Variants in RIT2 observed in about 807,000 individuals in gnomAD.
RIT2 encodes GTP-binding protein Rit2.
In RIT2, 24 loss-of-function variants were observed where a neutral mutation model predicts 23.7. That is an observed-to-expected ratio of 1.01 (90% CI 0.73 to 1.43). The LOEUF (loss-of-function observed/expected upper bound fraction) is 1.43. Among genes scored for constraint, RIT2 ranks in the 40% most tolerant of loss-of-function variants. RIT2 has a pLI of 0.00. For synonymous variants in RIT2, 107 were observed against 91.1 expected, an observed-to-expected ratio of 1.17 and a Z score of -0.99; for missense variants, 236 against 266.9, an observed-to-expected ratio of 0.88 and a Z score of 0.81.
intron 3 of RIT2, among the ~76,000 whole-genome samples, chr18:42,968,725 TA>T (rs1177316365): frequency 6.6e-6 from 1 of 152,212 alleles, no homozygotes; most frequent in African/African-American, 2.4e-5. Context: ...GGTTAAGCCT[TA>T]TTTCTAGAGT....
intron 4 of RIT2, among the ~76,000 whole-genome samples, chr18:42,823,886 C>T (rs1256278816): frequency 1.3e-5 from 2 of 152,068 alleles, no homozygotes; most frequent in Non-Finnish European, 2.9e-5. Context: ...TATCCTTTTC[C>T]TGTTCAAGCG....
At chr18:42,983,432 A>C (rs967922327) in intron 2 of RIT2, among the ~76,000 whole-genome samples, 4 of 152,090 alleles carry the variant, frequency 2.6e-5, no homozygotes, top group Non-Finnish European at 5.9e-5. Flanking sequence ...GAAAATCTTC[A>C]AAATCAAAGT....
chr18:42,758,974 T>C (rs1913233763), intron 4 of RIT2, among the ~76,000 whole-genome samples: 1 of 152,146 alleles, frequency 6.6e-6, no homozygotes, highest in Admixed American at 6.5e-5. Flanking sequence ...GGACTGGAGC[T>C]ATACAAATGG....
At chr18:42,949,059 A>G in intron 3 of RIT2, 1 of 397,586 alleles carries the variant, frequency 2.5e-6, no homozygotes, top group Non-Finnish European at 4.4e-6. Flanking sequence ...CTGGGGAGAA[A>G]TTAAAATAGA....
chr18:43,114,386 C>T (rs925381616), intron 1 of RIT2, among the ~76,000 whole-genome samples: 1 of 152,124 alleles, frequency 6.6e-6, no homozygotes, highest in Non-Finnish European at 1.5e-5. Flanking sequence ...CCCTTGTGGA[C>T]CCATCCACCA....
intron 3 of RIT2, among the ~76,000 whole-genome samples, chr18:42,932,677 G>A (rs994666280): frequency 1.3e-5 from 2 of 151,806 alleles, no homozygotes; most frequent in South Asian, 2.1e-4. Context: ...TTTTGCAGAT[G>A]AGAAAATCAG....
chr18:42,920,589 A>G (rs1382522472), intron 4 of RIT2: 2 of 695,010 alleles, frequency 2.9e-6, no homozygotes, highest in Admixed American at 4.9e-5. Context: ...TGATAAACAC[A>G]TAATACACTA....
Position 42,787,566 on chromosome 18 carries a change from G to A in RIT2, c.427-43846C>T, listed in dbSNP as rs1355140856. ...AGTTAGCAGGTTCGGAGAAACATGA[G>A]TTAGCAGGTTCGGAGTCAATGCAAT... On this transcript the variant is annotated intron_variant, in intron 4 of 4. Transcript: ENST00000326695. Among the ~76,000 whole-genome samples, 4 of 152,144 alleles carry A rather than the reference G, an allele frequency of 2.6e-5. No individual in the cohort carries two copies. The East Asian group carries it at 7.7e-4, about 29-fold the overall frequency.
chr18:42,755,907 C>T (rs1033791482), intron 4 of RIT2, among the ~76,000 whole-genome samples: 2 of 152,086 alleles, frequency 1.3e-5, no homozygotes, highest in African/African-American at 4.8e-5. Flanking sequence ...TTCTCAGCTT[C>T]CTGAGACAGG....
chr18:42,839,483 T>C (rs1029521943), intron 4 of RIT2, among the ~76,000 whole-genome samples: 5 of 152,188 alleles, frequency 3.3e-5, no homozygotes, highest in Middle Eastern at 3.2e-3. Flanking sequence ...AATATCACAG[T>C]GTGACTTGAG....
chr18:43,032,001 G>T (rs893013812), intron 2 of RIT2, among the ~76,000 whole-genome samples: 5 of 152,154 alleles, frequency 3.3e-5, no homozygotes, highest in South Asian at 4.2e-4. Flanking sequence ...CTGCAAGCAG[G>T]ATACCAATGG....
intron 4 of RIT2, among the ~76,000 whole-genome samples, chr18:42,770,467 T>C (rs1293600748): frequency 3.3e-5 from 5 of 152,218 alleles, no homozygotes; most frequent in Non-Finnish European, 7.3e-5. Context: ...TTCCTTGGCA[T>C]GAGCCTCATT....
chr18:42,803,876 G>A (rs183372638), intron 4 of RIT2, among the ~76,000 whole-genome samples: 5 of 152,274 alleles, frequency 3.3e-5, no homozygotes, highest in Admixed American at 1.3e-4. Flanking sequence ...AGAAACAGAA[G>A]TTGTTATATT....
In RIT2 at chr18:42,923,770, G is replaced by GAAAAA. The variant is rs10633642; in HGVS notation, c.235-12_235-8dup. 4.2e-6 allele frequency: 6 copies of GAAAAA among 1,434,608 alleles called. No individual in the cohort carries two copies. Among genetic ancestry groups the GAAAAA allele is most frequent in the Admixed American group, 4.5e-5 (2 of 44,700 alleles). 88.9% of individuals were successfully genotyped at this position (1,434,608 alleles called of 1,614,324 possible). On this transcript the variant is annotated splice_polypyrimidine_tract_variant and splice_region_variant and intron_variant, in intron 3 of 4. Coordinates refer to ENST00000326695, the MANE Select transcript of RIT2 (RefSeq NM_002930.4). ...GCATGGCTGTGAATTCTGCCTGCAGGAAAAAAAAAAAAAAATTAGTTATGG... is the reference window on the plus strand; with the variant it reads ...GCATGGCTGTGAATTCTGCCTGCAGGAAAAAAAAAAAAAAAAAAAATTAGTTATGG...
chr18:42,938,711 G>T (rs1909521592), intron 3 of RIT2, among the ~76,000 whole-genome samples: 1 of 152,068 alleles, frequency 6.6e-6, no homozygotes. Flanking sequence ...AGAATTATTA[G>T]TAATAAAATT....
intron 4 of RIT2, among the ~76,000 whole-genome samples, chr18:42,909,123 A>G (rs968572914): frequency 2.6e-5 from 4 of 152,206 alleles, no homozygotes; most frequent in South Asian, 2.1e-4. Flanking sequence ...CATGTACACC[A>G]TGGTATACTA....
chr18:42,819,459 T>C (rs1001057286), intron 4 of RIT2, among the ~76,000 whole-genome samples: 1 of 152,098 alleles, frequency 6.6e-6, no homozygotes, highest in East Asian at 1.9e-4. Context: ...TTTGTTGTTG[T>C]TGTTGTTGTT....
At chr18:42,921,930 T>A (rs1292789842) in intron 4 of RIT2, among the ~76,000 whole-genome samples, 1 of 152,138 alleles carries the variant, frequency 6.6e-6, no homozygotes, top group African/African-American at 2.4e-5. Flanking sequence ...TGCCAAGTTA[T>A]CTAAAATAGA....
At chr18:42,743,892 AAAG>A (rs1208160848) in intron 4 of RIT2, among the ~76,000 whole-genome samples, 172 bp from the exon 5 acceptor site, 1 of 152,164 alleles carries the variant, frequency 6.6e-6, no homozygotes, top group Non-Finnish European at 1.5e-5. Flanking sequence ...AAGAATCACA[AAAG>A]AAGTGAAAAT....
Sources: allele counts gnomAD v4.1 joint callset (sites outside exome capture counted in the v4.1 genomes callset), GRCh38; gene constraint gnomAD v4.1.1; transcripts MANE v1.5; gene names NCBI Gene and HGNC (gene_info 2026-07-23, HGNC 2026-07-21).